Variants in ABHD2 observed in about 807,000 individuals in gnomAD.
ABHD2 encodes the protein abhydrolase domain containing 2, acylglycerol lipase.
ABHD2 carries 20 observed loss-of-function variants against 48.1 expected under a neutral mutation model. That is an observed-to-expected ratio of 0.42 (90% CI 0.29 to 0.60). ABHD2 has a LOEUF of 0.60. Among genes scored for constraint, ABHD2 ranks in the 20% least tolerant of loss-of-function variants. The probability of loss-of-function intolerance (pLI) is 0.24; values close to 1 mark genes in which losing one functional copy is unlikely to be tolerated. For missense variants in ABHD2, 405 were observed against 550.9 expected (o/e 0.74, Z 2.65); for synonymous variants, 209 against 214.2 (o/e 0.98, Z 0.21).
At chr15:89,150,192 A>G (rs2050568573) in intron 3 of ABHD2, among the ~76,000 whole-genome samples, 1 of 152,218 alleles carries the variant, frequency 6.6e-6, no homozygotes, top group African/African-American at 2.4e-5. Flanking sequence ...GCATATTTCC[A>G]CTTTTAATTT....
intron 3 of ABHD2, among the ~76,000 whole-genome samples, chr15:89,123,593 C>CTTTTTTTTTTTTTTT (rs138910210): frequency 2.1e-4 from 20 of 96,654 alleles, no homozygotes; most frequent in Non-Finnish European, 3.2e-4. Flanking sequence ...TTCTTTCTTT[C>CTTTTTTTTTTTTTTT]TTTTTTTTTT....
intron 6 of ABHD2, among the ~76,000 whole-genome samples, chr15:89,181,282 A>C (rs1056332691): frequency 2.1e-5 from 3 of 145,856 alleles, no homozygotes; most frequent in Non-Finnish European, 4.5e-5. Context: ...ATGTGTTTTT[A>C]TCATAATTTT....
Position 89,116,519 on chromosome 15 carries a change from A to G in ABHD2, c.192A>G (p.Lys64=). 6.2e-7 allele frequency: 1 copy of G among 1,613,238 alleles called. No homozygotes were observed. The highest frequency in any genetic ancestry group is 8.5e-7 in the Non-Finnish European group (1 of 1,179,476). The part of the protein sequence containing the change: ...FLLKSCPLLT[K]EYIPPLIWGK... ...TCAAGTCCTGTCCTCTTCTGACCAAAGAGTGAGTAGACCTCATGCCCTCTG... is the reference window on the plus strand; with the variant it reads ...TCAAGTCCTGTCCTCTTCTGACCAAGGAGTGAGTAGACCTCATGCCCTCTG... The change falls in exon 3 of 11, where the codon AAA becomes AAG. Residue 64 remains lysine (K), a splice_region_variant and synonymous_variant. Coordinates refer to ENST00000352732, the MANE Select transcript of ABHD2 (RefSeq NM_152924.5). The surrounding 1 kb of genome is among the most constrained non-coding windows in gnomAD (Gnocchi z 4.6).
At chr15:89,115,751 G>C (rs1451386137) in intron 2 of ABHD2, among the ~76,000 whole-genome samples, 1 of 152,116 alleles carries the variant, frequency 6.6e-6, no homozygotes, top group African/African-American at 2.4e-5. Context: ...GTCAGGCTGA[G>C]GTTGCTTTAT....
Position 89,166,596 on chromosome 15 carries a change from T to C in ABHD2, c.539-9216T>C, listed in dbSNP as rs977612376. On this transcript the variant is annotated intron_variant, in intron 5 of 10. Coordinates refer to ENST00000352732, the MANE Select transcript of ABHD2 (RefSeq NM_152924.5). This position sits in a 1 kb window ranked among gnomAD's most constrained non-coding sequence, Gnocchi z 4.6. The stretch of plus-strand genomic sequence containing the variant: ...CCTGTCTCAAAAACAAAACAAAAAT[T>C]ATCTCTTGGGCTGGGTACAGTGGCT... Among the ~76,000 whole-genome samples the C allele has an allele frequency of 2.8e-4, 42 of 151,882 alleles. No individual in the cohort carries two copies. The highest frequency in any genetic ancestry group is 1.0e-4 in the Non-Finnish European group (7 of 67,974).
chr15:89,078,145 C>T, the ABHD2 span, among the ~76,000 whole-genome samples: 2 of 152,314 alleles, frequency 1.3e-5, no homozygotes, highest in South Asian at 4.1e-4. Context: ...AGAATCTATG[C>T]TCACATCACT....
At chr15:89,057,780 A>G in the ABHD2 span, among the ~76,000 whole-genome samples, 20 of 152,184 alleles carry the variant, frequency 1.3e-4, no homozygotes, top group South Asian at 4.1e-4. Flanking sequence ...TGAAAAAAAA[A>G]AAAGAAAGAA....
chr15:89,111,676 G>C lies in ABHD2; in HGVS notation c.-106-2049G>C, dbSNP rs144911175. Reference sequence around the variant, plus strand: ...CCCAAAAATTAGATCTACCCCTCCAGAGCTGACCAGAATTTAGTTACATGG... The same window carrying C: ...CCCAAAAATTAGATCTACCCCTCCACAGCTGACCAGAATTTAGTTACATGG... On this transcript the variant is annotated intron_variant, in intron 1 of 10. Coordinates refer to ENST00000352732, the MANE Select transcript of ABHD2 (RefSeq NM_152924.5). Among the ~76,000 whole-genome samples the C allele has an allele frequency of 1.9e-3, 294 of 152,336 alleles. 1 individual carries two copies. Among genetic ancestry groups the C allele is most frequent in the Non-Finnish European group, 3.5e-3 (235 of 68,038 alleles).
At position 89,201,030 on chromosome 15, in the gene ABHD2, C is replaced by T. The variant is rs929942401; in HGVS notation, c.*5607C>T. 1.8e-5 allele frequency: 11 copies of T among 624,534 alleles called. No individual in the cohort carries two copies. Among genetic ancestry groups the T allele is most frequent in the African/African-American group, 5.6e-5 (3 of 53,578 alleles). The allele number at this position is 624,534 out of a possible 1,614,324, so 38.7% of individuals were successfully genotyped here. ...CCAGGAGACGGAGGTTGCAGTGAGC[C>T]GAGATCACGCCTCTGCACTCCAGCC... On this transcript the variant is annotated 3_prime_UTR_variant, in exon 11 of 11. Coordinates refer to ENST00000352732, the MANE Select transcript of ABHD2 (RefSeq NM_152924.5).
intron 3 of ABHD2, among the ~76,000 whole-genome samples, chr15:89,118,537 T>C (rs2049998142): frequency 6.6e-6 from 1 of 152,192 alleles, no homozygotes; most frequent in Non-Finnish European, 1.5e-5. Flanking sequence ...GCACTCACTT[T>C]CAGCTTACAG....
rs529935383 is a variant in ABHD2, at chr15:89,185,241, T to G, written c.723-183T>G. The stretch of plus-strand genomic sequence containing the variant: ...CCTTCCCCTGCGCTGTCTTGGTGTC[T>G]CCATAGATTTCTCCACAGGTGTTTG... On this transcript the variant is annotated intron_variant, in intron 6 of 10. Coordinates refer to ENST00000352732, the MANE Select transcript of ABHD2 (RefSeq NM_152924.5). This position sits in a 1 kb window ranked among gnomAD's most constrained non-coding sequence, Gnocchi z 5.9. Among the ~76,000 whole-genome samples, 137 of 152,264 alleles carry G rather than the reference T, an allele frequency of 9.0e-4. 1 individual carries two copies. The highest frequency in any genetic ancestry group is 2.5e-3 in the African/African-American group (103 of 41,558).
chr15:89,116,803 T>G lies in ABHD2; in HGVS notation c.194+282T>G, dbSNP rs1304033191. ...AATAGTAGTCATTTTTAGGCAGATA[T>G]GGAAAAGTTGGACAATATTCTAGTC... is the stretch of plus-strand genomic sequence containing the variant. On this transcript the variant is annotated intron_variant, in intron 3 of 10. Transcript: ENST00000352732. This position sits in a 1 kb window ranked among gnomAD's most constrained non-coding sequence, Gnocchi z 4.6. Among the ~76,000 whole-genome samples, 1 of 152,208 alleles carries G rather than the reference T, an allele frequency of 6.6e-6. No individual in the cohort carries two copies. Among genetic ancestry groups the G allele is most frequent in the East Asian group, 1.9e-4 (1 of 5,202 alleles).
the ABHD2 span, among the ~76,000 whole-genome samples, chr15:89,074,429 CT>C: frequency 1.3e-5 from 2 of 151,818 alleles, no homozygotes; most frequent in Non-Finnish European, 1.5e-5. Context: ...TGCCAGTGTT[CT>C]TTCCCAGATC....
chr15:89,067,824 A>T, the ABHD2 span, among the ~76,000 whole-genome samples: 1 of 152,210 alleles, frequency 6.6e-6, no homozygotes, highest in East Asian at 1.9e-4. Context: ...CTGAGAGTCC[A>T]AACCTTGAGG....
chr15:89,125,601 C>G (rs1463261461), intron 3 of ABHD2, among the ~76,000 whole-genome samples: 2 of 152,126 alleles, frequency 1.3e-5, no homozygotes, highest in African/African-American at 4.8e-5. Flanking sequence ...CTTGGCTGAC[C>G]AAACATTCCA....
At chr15:89,121,586 C>T (rs1229172595) in intron 3 of ABHD2, among the ~76,000 whole-genome samples, 1 of 151,856 alleles carries the variant, frequency 6.6e-6, no homozygotes, top group Admixed American at 6.6e-5. Context: ...TGGGTGTTTA[C>T]AAAAGTGTAC....
At chr15:89,127,706 C>T (rs76004867) in intron 3 of ABHD2, among the ~76,000 whole-genome samples, 23 of 129,868 alleles carry the variant, frequency 1.8e-4, no homozygotes, top group African/African-American at 7.5e-4. Flanking sequence ...TATATATATA[C>T]ATATATATAT....
Position 89,179,491 on chromosome 15 carries a change from C to CT in ABHD2, c.722+3497dup, listed in dbSNP as rs2051072479. Among the ~76,000 whole-genome samples the CT allele has an allele frequency of 6.6e-6, 1 of 152,168 alleles. No individual in the cohort carries two copies. Among genetic ancestry groups the CT allele is most frequent in the Admixed American group, 6.5e-5 (1 of 15,268 alleles). ...TTATGAGAATCTAATATCTGATGAT[C>CT]TGTCGCTGTCTCCCATCACCCCCAG... is the stretch of plus-strand genomic sequence containing the variant. On this transcript the variant is annotated intron_variant, in intron 6 of 10. Transcript: ENST00000352732. This position sits in a 1 kb window ranked among gnomAD's most constrained non-coding sequence, Gnocchi z 4.3.
chr15:89,081,593 G>A, the ABHD2 span, among the ~76,000 whole-genome samples: 29,936 of 152,136 alleles, frequency 0.2, 3,009 homozygotes, highest in South Asian at 0.28. Flanking sequence ...TTGGCCGGGT[G>A]CAGTGGCTCA....
Sources: gnomAD v4.1 joint callset for allele counts (sites outside exome capture counted in the v4.1 genomes callset) on GRCh38, gnomAD v4.1.1 for gene constraint, Gnocchi (gnomAD v3.1) non-coding constraint, MANE v1.5 for transcripts, NCBI Gene and HGNC (gene_info 2026-07-23, HGNC 2026-07-21) for gene names.